Variants in TGM3 observed in about 807,000 individuals in gnomAD.
TGM3 encodes transglutaminase 3.
Under a neutral mutation model 73.8 loss-of-function variants are expected in TGM3, and 52 were observed. The ratio of observed to expected loss-of-function variants is 0.70; its 90% CI spans 0.56 to 0.89. The LOEUF is 0.89. Among genes scored for constraint, TGM3 ranks in the 40% least tolerant of loss-of-function variants. The pLI, the probability that TGM3 is intolerant of heterozygous loss-of-function variation, is 0.00. For missense variants in TGM3, 928 were observed against 909.9 expected, an observed-to-expected ratio of 1.02 and a Z score of -0.26; for synonymous variants, 372 against 354.9, an observed-to-expected ratio of 1.05 and a Z score of -0.54.
intron 11 of TGM3, among the ~76,000 whole-genome samples, chr20:2,335,570 G>A (rs1019699462): frequency 6.6e-6 from 1 of 152,218 alleles, no homozygotes; most frequent in Non-Finnish European, 1.5e-5. Context: ...GAGGGGCCTG[G>A]GGGACTCTTT....
Position 2,334,510 on chromosome 20 carries a change from G to C in TGM3, c.1643-606G>C, listed in dbSNP as rs1423708191. 6.6e-6 allele frequency among the ~76,000 whole-genome samples: 1 copy of C among 152,202 alleles called. No individual in the cohort carries two copies. The highest frequency in any genetic ancestry group is 2.4e-5 in the African/African-American group (1 of 41,446). On this transcript the variant is annotated intron_variant, in intron 10 of 12. Transcript: ENST00000381458. The surrounding 1 kb of genome is among the most constrained non-coding windows in gnomAD (Gnocchi z 4.0). ...GGATGCTGTGGCAGTAGAACCCCAG[G>C]CTATTAGATGACGGGGAGGATCCTA...
chr20:2,309,063 G>C (rs2084189451), intron 1 of TGM3, among the ~76,000 whole-genome samples: 1 of 152,078 alleles, frequency 6.6e-6, no homozygotes, highest in Admixed American at 6.6e-5. Context: ...ATTTTTAGTA[G>C]AGATGGGGTT....
At position 2,296,059 on chromosome 20, in the gene TGM3, G is replaced by A. The variant is rs374686201; in HGVS notation, c.-5G>A. The stretch of plus-strand genomic sequence containing the variant: ...AGCCTGAGAAGAGGCAGAGGAAGGC[G>A]AAACATGGCTGGTGAGTGCATGGCA... On this transcript the variant is annotated 5_prime_UTR_variant, in exon 1 of 13. Coordinates refer to ENST00000381458, the MANE Select transcript of TGM3 (RefSeq NM_003245.4). 2.9e-5 allele frequency: 45 copies of A among 1,551,332 alleles called. No homozygotes were observed. The Middle Eastern group carries it at 8.9e-4, about 31-fold the overall frequency.
At chr20:2,321,153 A>G (rs1041685078) in intron 7 of TGM3, among the ~76,000 whole-genome samples, 1 of 152,242 alleles carries the variant, frequency 6.6e-6, no homozygotes, top group Admixed American at 6.5e-5. Flanking sequence ...AAACAACTCA[A>G]TTCAGCAAAC....
Position 2,305,689 on chromosome 20 carries a change from G to A in TGM3, c.8-3968G>A, listed in dbSNP as rs45466199. Among the ~76,000 whole-genome samples, 250 of 152,278 alleles carry A rather than the reference G, an allele frequency of 1.6e-3. 8 individuals carry two copies. The East Asian group carries it at 0.045, about 27-fold the overall frequency. On this transcript the variant is annotated intron_variant, in intron 1 of 12. Transcript: ENST00000381458. Reference sequence around the variant, plus strand: ...GGGAGCAAGGCTCGTTGGTGCTGCCGGGGCTCACGCTTGGTGTCAGAAAAG... The same window carrying A: ...GGGAGCAAGGCTCGTTGGTGCTGCCAGGGCTCACGCTTGGTGTCAGAAAAG...
intron 5 of TGM3, among the ~76,000 whole-genome samples, chr20:2,314,698 G>T (rs1211518692): frequency 6.6e-6 from 1 of 152,018 alleles, no homozygotes; most frequent in Admixed American, 6.6e-5. Context: ...TTCAGCCTGG[G>T]TGACACAGCA....
At chr20:2,330,489 G>A (rs6132522) in intron 9 of TGM3, among the ~76,000 whole-genome samples, 1 of 152,348 alleles carries the variant, frequency 6.6e-6, no homozygotes, top group East Asian at 1.9e-4. Context: ...CTTTTTAGCA[G>A]GGTGTGTGGG....
At chr20:2,339,369 A>T (rs928446804) in intron 11 of TGM3, among the ~76,000 whole-genome samples, 1 of 152,186 alleles carries the variant, frequency 6.6e-6, no homozygotes, top group African/African-American at 2.4e-5. Flanking sequence ...GGGCACAGTG[A>T]CTTACATCTG....
intron 3 of TGM3, 59 bp from the exon 4 acceptor site, chr20:2,310,952 C>T (rs778506815): frequency 6.1e-5 from 90 of 1,465,120 alleles, no homozygotes; most frequent in Non-Finnish European, 7.7e-5. Flanking sequence ...AGAGGAGGAA[C>T]GATCCCTACA....
At chr20:2,305,883 A>C (rs2084174241) in intron 1 of TGM3, among the ~76,000 whole-genome samples, 1 of 152,202 alleles carries the variant, frequency 6.6e-6, no homozygotes, top group African/African-American at 2.4e-5. Context: ...ATGCACGTAA[A>C]CACTTTGAAA....
At chr20:2,326,450 G>A (rs1350347831) in intron 8 of TGM3, among the ~76,000 whole-genome samples, 1 of 152,250 alleles carries the variant, frequency 6.6e-6, no homozygotes, top group Non-Finnish European at 1.5e-5. Context: ...CCCATCAGGG[G>A]TTGGGTCCCA....
intron 7 of TGM3, among the ~76,000 whole-genome samples, chr20:2,321,269 G>A (rs2084261431): frequency 6.6e-6 from 1 of 152,142 alleles, no homozygotes; most frequent in Admixed American, 6.5e-5. Context: ...TTATAACTAG[G>A]CCTTAGAGAC....
At position 2,312,154 on chromosome 20, in the gene TGM3, C is replaced by T. The variant is rs2084207107; in HGVS notation, c.541-744C>T. ...GTGGCTCACGCCTGTAATCCCAGCACTTTGGGAGGCTGAGGCGGGTGGATC... is the reference window on the plus strand; with the variant it reads ...GTGGCTCACGCCTGTAATCCCAGCATTTTGGGAGGCTGAGGCGGGTGGATC... On this transcript the variant is annotated intron_variant, in intron 4 of 12. Coordinates refer to ENST00000381458, the MANE Select transcript of TGM3 (RefSeq NM_003245.4). Among the ~76,000 whole-genome samples the T allele has an allele frequency of 5.9e-5, 9 of 152,048 alleles. No individual in the cohort carries two copies. In the South Asian group the frequency reaches 1.9e-3, roughly 32 times the overall value.
intron 7 of TGM3, among the ~76,000 whole-genome samples, chr20:2,321,743 G>A (rs2084263942): frequency 1.3e-5 from 2 of 152,148 alleles, no homozygotes; most frequent in Admixed American, 1.3e-4. Context: ...TTGGGGGGTG[G>A]GAGACAGCGT....
intron 5 of TGM3, among the ~76,000 whole-genome samples, chr20:2,314,149 G>A (rs1490047570): frequency 1.3e-5 from 2 of 152,084 alleles, no homozygotes; most frequent in Admixed American, 6.6e-5. Context: ...CAGCCTGGGT[G>A]ACAGAGTAAG....
chr20:2,296,577 T>G (rs955964231), intron 1 of TGM3, among the ~76,000 whole-genome samples: 1 of 152,014 alleles, frequency 6.6e-6, no homozygotes, highest in Non-Finnish European at 1.5e-5. Flanking sequence ...TTAGGAGCAT[T>G]AGGAATGCTC....
Position 2,309,691 on chromosome 20 carries a change from C to T in TGM3, c.42C>T (p.Ala14=), listed in dbSNP as rs1275241780. The change falls in exon 2 of 13, where the codon GCC becomes GCT. Residue 14 remains alanine (A), a synonymous_variant. Coordinates refer to ENST00000381458, the MANE Select transcript of TGM3 (RefSeq NM_003245.4). ...LGVQSINWQT[A]FNRQAHHTDK... ...TCCAGAGTATCAACTGGCAGACGGCCTTCAACCGACAAGCGCATCACACAG... is the reference window on the plus strand; with the variant it reads ...TCCAGAGTATCAACTGGCAGACGGCTTTCAACCGACAAGCGCATCACACAG... 12 of 1,614,036 alleles carry T rather than the reference C, an allele frequency of 7.4e-6. No individual in the cohort carries two copies. The highest frequency in any genetic ancestry group is 8.5e-7 in the Non-Finnish European group (1 of 1,180,018).
chr20:2,317,046 TGG>T lies in TGM3; in HGVS notation c.670-16_670-15del. On this transcript the variant is annotated intron_variant, in intron 5 of 12. Transcript: ENST00000381458. ...GAAAGGCATTAGTGCTGACTCATTT[TGG>T]GGGGGTGGTTTCTGCCCAGATCAAT... 6.2e-7 allele frequency: 1 copy of T among 1,611,132 alleles called. No individual in the cohort carries two copies. Among genetic ancestry groups the T allele is most frequent in the South Asian group, 1.1e-5 (1 of 91,006 alleles).
chr20:2,333,710 T>C (rs1057322222), intron 10 of TGM3, among the ~76,000 whole-genome samples: 1 of 152,060 alleles, frequency 6.6e-6, no homozygotes, highest in Non-Finnish European at 1.5e-5. Flanking sequence ...GAGCTAATTT[T>C]GGAAATCAAA....
Sources: gnomAD v4.1 joint callset for allele counts (sites outside exome capture counted in the v4.1 genomes callset) on GRCh38, gnomAD v4.1.1 for gene constraint, Gnocchi (gnomAD v3.1) non-coding constraint, MANE v1.5 for transcripts, NCBI Gene and HGNC (gene_info 2026-07-23, HGNC 2026-07-21) for gene names.